Variants in RNF168 observed in about 807,000 individuals in gnomAD.
RNF168 encodes ring finger protein 168, also known as E3 ubiquitin-protein ligase RNF168.
In RNF168, 34 loss-of-function variants were observed where a neutral mutation model predicts 34.9. That is an observed-to-expected ratio of 0.97 (90% confidence interval 0.74 to 1.30). The LOEUF is 1.30. RNF168 is among the 50% of genes most tolerant of loss of function. RNF168 has a pLI of 0.00. For missense variants in RNF168, 725 were observed against 682.5 expected, an observed-to-expected ratio of 1.06 and a Z score of -0.69; for synonymous variants, 264 against 254.7, an observed-to-expected ratio of 1.04 and a Z score of -0.35.
chr3:196,493,006 TAAG>T (rs949087278), intron 1 of RNF168, among the ~76,000 whole-genome samples: 2 of 151,948 alleles, frequency 1.3e-5, no homozygotes, highest in Non-Finnish European at 1.5e-5. Flanking sequence ...TATAAACGAC[TAAG>T]AAGAACATAT....
Position 196,471,804 on chromosome 3 carries a change from TC to T in RNF168, c.*14del, listed in dbSNP as rs1294795215. ...CCAGCTTTACTAGATCACAAAGCAC[TC>T]CCTTTACCAGGCCTTACTTTGTGCA... On this transcript the variant is annotated 3_prime_UTR_variant, in exon 6 of 6. Coordinates refer to ENST00000318037, the MANE Select transcript of RNF168 (RefSeq NM_152617.4). The T allele has an allele frequency of 4.6e-6, 7 of 1,516,772 alleles. No homozygotes were observed. The African/African-American group carries it at 9.6e-5, about 21-fold the overall frequency. 94.0% of individuals were successfully genotyped at this position (1,516,772 alleles called of 1,614,324 possible).
Position 196,503,085 on chromosome 3 carries a change from G to T in RNF168, c.89C>A (p.Pro30Gln). 6.2e-7 allele frequency: 1 copy of T among 1,614,146 alleles called. No homozygotes were observed. Among genetic ancestry groups the T allele is most frequent in the South Asian group, 1.1e-5 (1 of 91,080 alleles). Residue 30 changes from proline to glutamine, a missense_variant, in exon 1 of 6, where the codon CCG becomes CAG. Coordinates refer to ENST00000318037, the MANE Select transcript of RNF168 (RefSeq NM_152617.4). The part of the protein sequence containing the change: ...MEILVEPVTL[P>Q]CNHTLCKPCF... ...CGGTTTACACAGCGTGTGGTTACACGGGAGGGTGACGGGCTCCACGAGGAT... is the reference window on the plus strand; with the variant it reads ...CGGTTTACACAGCGTGTGGTTACACTGGAGGGTGACGGGCTCCACGAGGAT...
At chr3:196,490,629 C>G (rs1732569261) in intron 1 of RNF168, among the ~76,000 whole-genome samples, 1 of 152,056 alleles carries the variant, frequency 6.6e-6, no homozygotes. Context: ...GAAAATCCAG[C>G]AATCAAGATG....
chr3:196,502,054 G>GAAAAAAAAAAAAAAAAAAAAAAAAA (rs554041803), intron 1 of RNF168, among the ~76,000 whole-genome samples: 1 of 50,056 alleles, frequency 2.0e-5, no homozygotes, highest in Admixed American at 2.6e-4. Flanking sequence ...AAAAAAATTA[G>GAAAAAAAAAAAAAAAAAAAAAAAAA]AAAAAAAAAA....
chr3:196,479,997 C>T (rs1732248364), intron 4 of RNF168, among the ~76,000 whole-genome samples: 1 of 152,128 alleles, frequency 6.6e-6, no homozygotes, highest in Admixed American at 6.6e-5. Flanking sequence ...AATCACAGTA[C>T]AGCACGGTCA....
At position 196,502,827 on chromosome 3, in the gene RNF168, A is replaced by T. The variant is rs147017814; in HGVS notation, c.301+46T>A. 620 of 1,541,410 alleles carry T rather than the reference A, an allele frequency of 4.0e-4. 2 individuals are homozygous for T. The African/African-American group carries it at 7.9e-3, about 20-fold the overall frequency. On this transcript the variant is annotated intron_variant, in intron 1 of 5. Transcript: ENST00000318037. ...TGGAAAAGTGATGATTCACCTTTTCAAAGACTTGCGGCTTTTGGCCAACAA... is the reference window on the plus strand; with the variant it reads ...TGGAAAAGTGATGATTCACCTTTTCTAAGACTTGCGGCTTTTGGCCAACAA...
chr3:196,484,701 T>G (rs1233256567), intron 3 of RNF168, among the ~76,000 whole-genome samples: 14 of 152,104 alleles, frequency 9.2e-5, no homozygotes, highest in Non-Finnish European at 2.9e-5. Context: ...TCATCCAGGC[T>G]GGACTGCAGT....
chr3:196,481,392 G>A (rs186932476), intron 4 of RNF168, among the ~76,000 whole-genome samples: 7 of 151,564 alleles, frequency 4.6e-5, no homozygotes, highest in Non-Finnish European at 8.8e-5. Context: ...GGCCATGATC[G>A]CACCACTGCG....
At chr3:196,473,884 T>C (rs1040129229) in intron 5 of RNF168, among the ~76,000 whole-genome samples, 3 of 152,094 alleles carry the variant, frequency 2.0e-5, no homozygotes, top group Non-Finnish European at 4.4e-5. Context: ...GGGACTTCTA[T>C]AAGTTACTTC....
intron 1 of RNF168, among the ~76,000 whole-genome samples, chr3:196,493,618 C>T (rs1283185576): frequency 1.3e-5 from 2 of 152,100 alleles, no homozygotes; most frequent in Non-Finnish European, 2.9e-5. Flanking sequence ...CTCCACCTCC[C>T]GGGTTCAAGC....
intron 1 of RNF168, among the ~76,000 whole-genome samples, 157 bp downstream of exon 1, chr3:196,502,716 A>C (rs1409765128): frequency 2.0e-5 from 3 of 152,148 alleles, no homozygotes; most frequent in African/African-American, 7.2e-5. Context: ...ATCCATCGAC[A>C]TTTGGGGACC....
intron 4 of RNF168, among the ~76,000 whole-genome samples, chr3:196,481,596 A>G (rs946340650): frequency 1.3e-5 from 2 of 151,390 alleles, no homozygotes; most frequent in East Asian, 3.9e-4. Context: ...TATACAGCTA[A>G]TTGAATAACT....
rs57647149 is a variant in RNF168 at position 196,471,196 on chromosome 3, C to CAAAAAAAAAAAAAAAAAA, written c.*605_*622dup. ...GCGTGACAGAGCAAGACTCTGTCTC[C>CAAAAAAAAAAAAAAAAAA]AAAAAAAAAAAAAAAAAAAAAAAAA... On this transcript the variant is annotated 3_prime_UTR_variant, in exon 6 of 6. Transcript: ENST00000318037. The CAAAAAAAAAAAAAAAAAA allele has an allele frequency of 4.9e-5, 2 of 40,640 alleles. No individual in the cohort carries two copies. The highest frequency in any genetic ancestry group is 5.1e-4 in the Admixed American group (1 of 1,968). 2.5% of individuals were successfully genotyped at this position (40,640 alleles called of 1,614,324 possible).
chr3:196,499,838 A>T lies in RNF168; in HGVS notation c.301+3035T>A, dbSNP rs1401862233. 2.0e-5 allele frequency among the ~76,000 whole-genome samples: 3 copies of T among 152,332 alleles called. No individual in the cohort carries two copies. In the East Asian group the frequency reaches 5.8e-4, roughly 29 times the overall value. ...AACAAAAAGAATGAATGAGCACAGG[A>T]TTTGAATAGATATTTCATATTTTTC... On this transcript the variant is annotated intron_variant, in intron 1 of 5. Transcript: ENST00000318037.
At chr3:196,502,462 C>A (rs1365393658) in intron 1 of RNF168, among the ~76,000 whole-genome samples, 1 of 151,944 alleles carries the variant, frequency 6.6e-6, no homozygotes, top group South Asian at 2.1e-4. Flanking sequence ...ATGGTGCACG[C>A]GTGTAACCCC....
At chr3:196,502,285 G>T (rs1432721783) in intron 1 of RNF168, among the ~76,000 whole-genome samples, 2 of 151,942 alleles carry the variant, frequency 1.3e-5, no homozygotes, top group Non-Finnish European at 2.9e-5. Context: ...GAATGGAGAT[G>T]TATAGATAAG....
At position 196,483,776 on chromosome 3, in the gene RNF168, A is replaced by G. The variant is rs766893240; in HGVS notation, c.674T>C (p.Ile225Thr). The G allele has an allele frequency of 7.4e-6, 12 of 1,611,314 alleles. No individual in the cohort carries two copies. The South Asian group carries it at 7.7e-5, about 10-fold the overall frequency. The change falls in exon 4 of 6, where the codon ATT becomes ACT. Residue 225 changes from isoleucine (I) to threonine (T), a missense_variant. By Grantham distance (89) the Ile-to-Thr change is moderately conservative. Transcript: ENST00000318037. The stretch of plus-strand genomic sequence containing the variant: ...CATAGTCATGTTCACTTACTTCTGA[A>G]TATCTCCAGTGTTTCTTTGTTTGTT... ...SKNKQRNTGD[I>T]QKYLTPKSQF... is the part of the protein sequence containing the mutation.
Position 196,502,909 on chromosome 3 carries a change from T to C in RNF168, c.265A>G (p.Lys89Glu), listed in dbSNP as rs949736326. ...GATTCTTGGCCAGACGCTCTAAGCT[T>C]GCACTCCCTGGGATAGTGTTTTTGA... is the stretch of plus-strand genomic sequence containing the variant. ...IIQKHYPREC[K>E]LRASGQESEE... is the part of the protein sequence containing the mutation. Residue 89 changes from lysine (K) to glutamate (E), a missense_variant, in exon 1 of 6, where the codon AAG becomes GAG. Lys to Glu is a moderately conservative substitution (Grantham distance 56). Transcript: ENST00000318037. 1 of 1,613,996 alleles carries C rather than the reference T, an allele frequency of 6.2e-7. No individual in the cohort carries two copies. The highest frequency in any genetic ancestry group is 8.5e-7 in the Non-Finnish European group (1 of 1,179,986).
intron 2 of RNF168, among the ~76,000 whole-genome samples, chr3:196,488,230 C>T (rs1373379351): frequency 2.0e-5 from 3 of 152,032 alleles, no homozygotes; most frequent in Admixed American, 1.3e-4. Context: ...ACCTATAATC[C>T]CAGCACTTTG....
Sources: gnomAD v4.1 joint callset for allele counts (sites outside exome capture counted in the v4.1 genomes callset) on GRCh38, gnomAD v4.1.1 for gene constraint, MANE v1.5 for transcripts, NCBI Gene and HGNC (gene_info 2026-07-23, HGNC 2026-07-21) for gene names.